Variants in ZNF438 observed in about 807,000 individuals in gnomAD.
ZNF438 encodes zinc finger protein 438.
Under a neutral mutation model 38.0 loss-of-function variants are expected in ZNF438, and 25 were observed. That is an observed-to-expected ratio of 0.66 (90% CI 0.48 to 0.92). ZNF438 has a LOEUF of 0.92. ZNF438 is among the 40% of genes least tolerant of loss of function. ZNF438 has a pLI of 0.00. For synonymous variants in ZNF438, 372 were observed against 364.1 expected, an observed-to-expected ratio of 1.02 and a Z score of -0.25; for missense variants, 1,007 against 999.6, an observed-to-expected ratio of 1.01 and a Z score of -0.10.
chr10:30,872,084 G>A (rs1012687008), intron 4 of ZNF438, among the ~76,000 whole-genome samples: 1 of 152,074 alleles, frequency 6.6e-6, no homozygotes, highest in Non-Finnish European at 1.5e-5. Flanking sequence ...TAACTGTAAG[G>A]CTGACAAGTG....
At chr10:30,861,017 T>C (rs2035490528) in intron 4 of ZNF438, among the ~76,000 whole-genome samples, 1 of 152,294 alleles carries the variant, frequency 6.6e-6, no homozygotes, top group Non-Finnish European at 1.5e-5. Context: ...AAAGAAAAGT[T>C]AGGCACTGAA....
intron 1 of ZNF438, among the ~76,000 whole-genome samples, chr10:31,019,467 C>T (rs529705979): frequency 3.9e-5 from 6 of 152,114 alleles, no homozygotes; most frequent in Non-Finnish European, 8.8e-5. Flanking sequence ...ATTTTGATGG[C>T]GTCAACTTTG....
At chr10:30,956,628 A>G (rs781429901) in intron 1 of ZNF438, among the ~76,000 whole-genome samples, 3 of 152,192 alleles carry the variant, frequency 2.0e-5, no homozygotes, top group African/African-American at 4.8e-5. Flanking sequence ...AAACGTTTTT[A>G]GATTCCACAT....
At chr10:30,851,510 A>T (rs1371932381) in intron 4 of ZNF438, among the ~76,000 whole-genome samples, 1 of 152,218 alleles carries the variant, frequency 6.6e-6, no homozygotes. Context: ...CCCTTTTCTG[A>T]AATTTTTGGA....
chr10:30,944,608 G>A (rs2047171141), intron 1 of ZNF438, among the ~76,000 whole-genome samples: 1 of 152,208 alleles, frequency 6.6e-6, no homozygotes, highest in African/African-American at 2.4e-5. Flanking sequence ...AATGCCACTA[G>A]AGGTGGGGAG....
chr10:30,944,263 T>C (rs2135570164), intron 1 of ZNF438, among the ~76,000 whole-genome samples: 1 of 152,318 alleles, frequency 6.6e-6, no homozygotes, highest in South Asian at 2.1e-4. Flanking sequence ...TAGTAAACAC[T>C]ACAGGGCAAG....
intron 1 of ZNF438, among the ~76,000 whole-genome samples, chr10:30,942,684 G>A (rs767445674): frequency 1.3e-4 from 20 of 151,120 alleles, no homozygotes; most frequent in Non-Finnish European, 2.5e-4. Context: ...GATGACTTGC[G>A]TCATTTCTGA....
At chr10:30,974,729 G>T (rs1056715139) in intron 1 of ZNF438, among the ~76,000 whole-genome samples, 1 of 152,144 alleles carries the variant, frequency 6.6e-6, no homozygotes, top group African/African-American at 2.4e-5. Flanking sequence ...ATGCTATTGA[G>T]TAGAAACCTC....
At chr10:30,889,058 A>G (rs2040343412) in intron 3 of ZNF438, among the ~76,000 whole-genome samples, 1 of 152,200 alleles carries the variant, frequency 6.6e-6, no homozygotes, top group Admixed American at 6.5e-5. Context: ...ACATATATAT[A>G]CAATAATATC....
At chr10:30,927,012 A>C (rs745793903) in intron 2 of ZNF438, among the ~76,000 whole-genome samples, 42 of 152,228 alleles carry the variant, frequency 2.8e-4, no homozygotes, top group Non-Finnish European at 5.6e-4. Context: ...TAGACTTGGG[A>C]ATTTTTGGTG....
chr10:30,904,853 C>T (rs1251111261), intron 3 of ZNF438, among the ~76,000 whole-genome samples: 1 of 152,190 alleles, frequency 6.6e-6, no homozygotes, highest in African/African-American at 2.4e-5. Flanking sequence ...AGGAAAATCA[C>T]CTCCTTAAGA....
intron 3 of ZNF438, among the ~76,000 whole-genome samples, chr10:30,892,362 A>C (rs1312819708): frequency 1.3e-5 from 2 of 152,228 alleles, no homozygotes; most frequent in Non-Finnish European, 2.9e-5. Context: ...TGTGAATGTG[A>C]ACACATATGT....
chr10:30,992,544 C>T (rs1589623342), intron 1 of ZNF438, among the ~76,000 whole-genome samples: 1 of 152,130 alleles, frequency 6.6e-6, no homozygotes, highest in East Asian at 1.9e-4. Context: ...TCCCAAGTAG[C>T]TGGGATTACA....
intron 2 of ZNF438, among the ~76,000 whole-genome samples, chr10:30,937,242 G>A (rs1564681902): frequency 6.6e-6 from 1 of 152,198 alleles, no homozygotes; most frequent in Non-Finnish European, 1.5e-5. Context: ...GTAAGAACAG[G>A]TGCTGTAGTC....
At chr10:30,849,178 T>G in exon 5 of ZNF438, 1 of 1,614,022 alleles carries the variant, frequency 6.2e-7, no homozygotes, top group Non-Finnish European at 8.5e-7. Context: ...CTTTACCATC[T>G]CTACACTTAT....
In ZNF438 at chr10:30,872,124, G is replaced by A. The variant is rs1012895616; in HGVS notation, c.37+4874C>T. ...AGAATTGAGAGACTCGGCCAGGCAC[G>A]GTGGCTCAGGCCTGTAATCCCAGCA... On this transcript the variant is annotated intron_variant, in intron 4 of 5. Coordinates refer to ENST00000413025, the Ensembl canonical transcript of ZNF438. Among the ~76,000 whole-genome samples the A allele has an allele frequency of 4.6e-5, 7 of 152,090 alleles. 1 individual carries two copies. The Middle Eastern group carries it at 0.01, about 222-fold the overall frequency.
At chr10:30,877,965 CAG>C (rs1217482104) in intron 3 of ZNF438, among the ~76,000 whole-genome samples, 1 of 152,148 alleles carries the variant, frequency 6.6e-6, no homozygotes, top group Non-Finnish European at 1.5e-5. Flanking sequence ...GATGGAGTAA[CAG>C]AGACCAGATT....
At chr10:30,955,687 A>G (rs1007836760) in intron 1 of ZNF438, among the ~76,000 whole-genome samples, 1 of 152,214 alleles carries the variant, frequency 6.6e-6, no homozygotes, top group Admixed American at 6.5e-5. Context: ...AAAAATCACC[A>G]AGCTGGGACC....
chr10:30,849,076 G>T, exon 5 of ZNF438: 1 of 1,614,064 alleles, frequency 6.2e-7, no homozygotes, highest in South Asian at 1.1e-5. Context: ...AAGTGGGTAT[G>T]ACCATGATAG....
Sources: allele counts gnomAD v4.1 joint callset (sites outside exome capture counted in the v4.1 genomes callset), GRCh38; gene constraint gnomAD v4.1.1; transcripts MANE v1.5; gene names NCBI Gene and HGNC (gene_info 2026-07-23, HGNC 2026-07-21).